Variants in ATP9B observed in about 807,000 individuals in gnomAD.
The protein encoded by ATP9B is ATPase phospholipid transporting 9B.
Under a neutral mutation model 146.1 loss-of-function variants are expected in ATP9B, and 110 were observed. The ratio of observed to expected loss-of-function variants is 0.75; its 90% confidence interval spans 0.65 to 0.88. The LOEUF (loss-of-function observed/expected upper bound fraction) is 0.88. ATP9B is among the 40% of genes least tolerant of loss of function. ATP9B has a pLI of 0.00. For synonymous variants in ATP9B, 604 were observed against 569.7 expected (o/e 1.06, Z -0.86); for missense variants, 1,499 against 1,496.4 (o/e 1.00, Z -0.03).
At chr18:79,144,996 T>G (rs1599873851) in intron 6 of ATP9B, 1 of 237,722 alleles carries the variant, frequency 4.2e-6, no homozygotes, top group Non-Finnish European at 8.4e-6. Context: ...CTGCTGGCGG[T>G]GTGGAGAGTG....
At chr18:79,074,614 A>G (rs1018654934) in intron 1 of ATP9B, among the ~76,000 whole-genome samples, 1 of 152,226 alleles carries the variant, frequency 6.6e-6, no homozygotes, top group Non-Finnish European at 1.5e-5. Context: ...CCTTACTGCT[A>G]CTGCCCAGAT....
At chr18:79,242,247 CTCT>C (rs1344347968) in intron 11 of ATP9B, among the ~76,000 whole-genome samples, 4 of 152,134 alleles carry the variant, frequency 2.6e-5, no homozygotes, top group African/African-American at 9.7e-5. Context: ...TTCTTTAATC[CTCT>C]TTCGTAAACT....
intron 10 of ATP9B, among the ~76,000 whole-genome samples, chr18:79,211,285 C>A (rs2095581903): frequency 6.6e-6 from 1 of 152,160 alleles, no homozygotes; most frequent in Admixed American, 6.5e-5. Context: ...CAACTGTAGT[C>A]AATTAGAAGG....
intron 12 of ATP9B, chr18:79,254,004 A>G (rs780671210): frequency 6.6e-6 from 1 of 152,552 alleles, no homozygotes; most frequent in Admixed American, 6.5e-5. Flanking sequence ...GTTAACCTAT[A>G]TTATAACTAC....
chr18:79,278,733 C>G (rs1158452146), intron 13 of ATP9B, among the ~76,000 whole-genome samples: 1 of 151,978 alleles, frequency 6.6e-6, no homozygotes, highest in African/African-American at 2.4e-5. Context: ...TTTATGAATC[C>G]CAGTGACTCG....
At chr18:79,155,318 T>G (rs989688086) in intron 7 of ATP9B, among the ~76,000 whole-genome samples, 1 of 152,226 alleles carries the variant, frequency 6.6e-6, no homozygotes, top group African/African-American at 2.4e-5. Flanking sequence ...AAAATGCTGT[T>G]TATATGACCT....
chr18:79,171,431 T>C (rs2095068732), intron 7 of ATP9B, among the ~76,000 whole-genome samples: 1 of 152,236 alleles, frequency 6.6e-6, no homozygotes, highest in South Asian at 2.1e-4. Flanking sequence ...TTGAGAGCTT[T>C]AATTTGCTAT....
intron 2 of ATP9B, among the ~76,000 whole-genome samples, chr18:79,107,863 G>A (rs528461835): frequency 1.2e-4 from 19 of 152,224 alleles, no homozygotes; most frequent in South Asian, 1.2e-3. Context: ...CCAGGCTCTC[G>A]TTTCAACTCT....
At chr18:79,337,239 G>A (rs774684591) in intron 18 of ATP9B, 40 bp from the exon 19 acceptor site, 17 of 1,603,146 alleles carry the variant, frequency 1.1e-5, no homozygotes, top group Admixed American at 3.4e-5. Flanking sequence ...CACACAGCAC[G>A]TACACGTGTG....
At chr18:79,175,120 G>A (rs1178158435) in intron 7 of ATP9B, among the ~76,000 whole-genome samples, 1 of 150,346 alleles carries the variant, frequency 6.7e-6, no homozygotes, top group Non-Finnish European at 1.5e-5. Context: ...AGAATTGCTT[G>A]AACCTGGGAG....
chr18:79,339,452 A>ATGTCATCGCAGTAGGAAGTG, intron 19 of ATP9B, among the ~76,000 whole-genome samples: 1 of 149,360 alleles, frequency 6.7e-6, no homozygotes, highest in Admixed American at 6.7e-5. Flanking sequence ...AGTAGGAAGT[A>ATGTCATCGCAGTAGGAAGTG]TGTCATGATC....
chr18:79,214,058 A>G lies in ATP9B; in HGVS notation c.1107+20A>G, dbSNP rs767553911. The G allele has an allele frequency of 6.5e-7, 1 of 1,548,706 alleles. No individual in the cohort carries two copies. The highest frequency in any genetic ancestry group is 1.2e-5 in the South Asian group (1 of 83,580). On this transcript the variant is annotated intron_variant, in intron 11 of 29. Transcript: ENST00000426216. The stretch of plus-strand genomic sequence containing the variant: ...AATAAGGTAGGCTAGATTGAGGAGC[A>G]ACTGCTTTAATGAACTTATTTTTCC...
chr18:79,334,908 G>A (rs918060832), intron 17 of ATP9B, among the ~76,000 whole-genome samples: 5 of 151,946 alleles, frequency 3.3e-5, no homozygotes, highest in African/African-American at 1.2e-4. Context: ...CTGCCCAGTC[G>A]CCCACACTGC....
At chr18:79,373,803 A>T in intron 27 of ATP9B, 95 bp from the exon 28 acceptor site, 2 of 1,315,192 alleles carry the variant, frequency 1.5e-6, no homozygotes, top group Non-Finnish European at 2.2e-6. Context: ...CCCTATTTTT[A>T]AGGGTCTTGA....
intron 1 of ATP9B, among the ~76,000 whole-genome samples, chr18:79,073,665 G>T (rs996420032): frequency 6.6e-6 from 1 of 152,110 alleles, no homozygotes; most frequent in African/African-American, 2.4e-5. Flanking sequence ...AGCGGGAGAC[G>T]GAGACGACGG....
chr18:79,072,822 C>G (rs1218756979), intron 1 of ATP9B, among the ~76,000 whole-genome samples: 1 of 151,952 alleles, frequency 6.6e-6, no homozygotes, highest in African/African-American at 2.4e-5. Flanking sequence ...CAGAGGGGCT[C>G]CTCACCTCTC....
chr18:79,228,831 C>T (rs1237780818), intron 11 of ATP9B, among the ~76,000 whole-genome samples: 2 of 151,954 alleles, frequency 1.3e-5, no homozygotes, highest in Non-Finnish European at 2.9e-5. Context: ...TTGAGACCAG[C>T]GTGGGCAACA....
chr18:79,100,456 C>T (rs2075180882), intron 2 of ATP9B, among the ~76,000 whole-genome samples: 1 of 152,050 alleles, frequency 6.6e-6, no homozygotes, highest in African/African-American at 2.4e-5. Context: ...TTTCAGTTGA[C>T]CTTTTATTGT....
chr18:79,327,117 C>T (rs114895053), intron 15 of ATP9B, among the ~76,000 whole-genome samples: 2,322 of 152,264 alleles, frequency 0.015, 63 homozygotes, highest in African/African-American at 0.054. Context: ...TTCAGAAGGC[C>T]CTAAGATTGA....
Sources: allele counts gnomAD v4.1 joint callset (sites outside exome capture counted in the v4.1 genomes callset), GRCh38; gene constraint gnomAD v4.1.1; transcripts MANE v1.5; gene names NCBI Gene and HGNC (gene_info 2026-07-23, HGNC 2026-07-21).